Variants in GNB5 observed in about 807,000 individuals in gnomAD.
GNB5 encodes the protein guanine nucleotide-binding protein subunit beta-5.
Under a neutral mutation model 55.3 loss-of-function variants are expected in GNB5, and 37 were observed. That is an observed-to-expected ratio of 0.67 (90% CI 0.51 to 0.88). The LOEUF is 0.88. GNB5 is among the 40% of genes least tolerant of loss of function. GNB5 has a pLI of 0.00. For synonymous variants in GNB5, 219 were observed against 198.5 expected, an observed-to-expected ratio of 1.10 and a Z score of -0.87; for missense variants, 476 against 515.3, an observed-to-expected ratio of 0.92 and a Z score of 0.74.
chr15:52,143,144 G>C (rs1200536335), intron 6 of GNB5, among the ~76,000 whole-genome samples: 2 of 150,102 alleles, frequency 1.3e-5, no homozygotes, highest in African/African-American at 2.4e-5. Flanking sequence ...AACAGAGTGA[G>C]ATTCTTTGAC....
intron 3 of GNB5, among the ~76,000 whole-genome samples, chr15:52,173,273 C>T (rs1054793476): frequency 6.6e-6 from 1 of 152,168 alleles, no homozygotes; most frequent in Non-Finnish European, 1.5e-5. Context: ...TAAGGAGTCT[C>T]CATGCTGCCC....
Position 52,169,869 on chromosome 15 carries a change from C to A in GNB5, c.238+9899G>T, listed in dbSNP as rs1352468911. 4.0e-5 allele frequency among the ~76,000 whole-genome samples: 6 copies of A among 151,730 alleles called. No homozygotes were observed. The South Asian group carries it at 1.3e-3, about 32-fold the overall frequency. ...ATCTACAAGAACTTAAACAAATTTA[C>A]AAGAAAAAAAACCCCATTAAAAAGT... On this transcript the variant is annotated intron_variant, in intron 3 of 12. Coordinates refer to ENST00000261837, the MANE Select transcript of GNB5 (RefSeq NM_016194.4).
In GNB5 at chr15:52,126,339, G is replaced by T. The variant is rs12907835; in HGVS notation, c.913-295C>A. Among the ~76,000 whole-genome samples, 19,924 of 152,048 alleles carry T rather than the reference G, an allele frequency of 0.13. 1,612 individuals are homozygous for T. Among genetic ancestry groups the T allele is most frequent in the Admixed American group, 0.24 (3,721 of 15,262 alleles). On this transcript the variant is annotated intron_variant, in intron 10 of 12. Transcript: ENST00000261837. ...GACCCCACTTTTTTTTCTGATAAAG[G>T]ACACATGTTCACTGTAGAAAATTTG... is the stretch of plus-strand genomic sequence containing the variant.
At chr15:52,187,158 G>C (rs1159619529) in intron 1 of GNB5, among the ~76,000 whole-genome samples, 1 of 152,178 alleles carries the variant, frequency 6.6e-6, no homozygotes, top group Non-Finnish European at 1.5e-5. Flanking sequence ...TAACAAAAAA[G>C]GGCCTGCCCT....
chr15:52,144,344 A>G (rs576545141), intron 6 of GNB5: 2 of 152,398 alleles, frequency 1.3e-5, no homozygotes, highest in African/African-American at 4.8e-5. Flanking sequence ...TTAGAACTGC[A>G]TATCTAATAT....
intron 7 of GNB5, among the ~76,000 whole-genome samples, chr15:52,136,619 A>G (rs1167011999): frequency 6.6e-6 from 1 of 152,194 alleles, no homozygotes; most frequent in African/African-American, 2.4e-5. Flanking sequence ...TCCCGAGCAC[A>G]GTGCTGCCCA....
At chr15:52,156,850 C>T (rs1336483142) in intron 3 of GNB5, among the ~76,000 whole-genome samples, 8 of 152,174 alleles carry the variant, frequency 5.3e-5, no homozygotes, top group African/African-American at 1.7e-4. Context: ...TTATTTACTG[C>T]CACAAACAGC....
At chr15:52,133,776 C>A (rs1401572781) in intron 8 of GNB5, among the ~76,000 whole-genome samples, 1 of 152,234 alleles carries the variant, frequency 6.6e-6, no homozygotes, top group African/African-American at 2.4e-5. Flanking sequence ...CATCTCCCTT[C>A]CTTTCATTTT....
intron 3 of GNB5, among the ~76,000 whole-genome samples, chr15:52,176,677 G>A (rs1425337200): frequency 6.6e-6 from 1 of 152,184 alleles, no homozygotes; most frequent in African/African-American, 2.4e-5. Context: ...TCTGATAAGA[G>A]GGAAAGAGAC....
rs566905993 is a variant in GNB5 at position 52,126,053 on chromosome 15, CAAAT to C, written c.913-13_913-10del. 1.7e-4 allele frequency: 242 copies of C among 1,411,294 alleles called. 2 individuals are homozygous for C. The South Asian group carries it at 1.8e-3, about 10-fold the overall frequency. 87.4% of individuals were successfully genotyped at this position (1,411,294 alleles called of 1,614,324 possible). A position where few individuals can be genotyped will look rare whatever the true frequency, so the allele number is the denominator to read the frequency against. ...AGGTCATAGAGGCGACACTGGGGAG[CAAAT>C]AAATAAAGAAGCACTTACTTCTGGC... On this transcript the variant is annotated splice_polypyrimidine_tract_variant and intron_variant, in intron 10 of 12. Transcript: ENST00000261837.
intron 10 of GNB5, 95 bp downstream of exon 10, chr15:52,128,100 GT>G: frequency 1.3e-6 from 1 of 798,364 alleles, no homozygotes; most frequent in Non-Finnish European, 2.1e-6. Context: ...TTGAATACTC[GT>G]TACTTCTGTA....
chr15:52,145,576 C>T (rs1239097352), intron 6 of GNB5, among the ~76,000 whole-genome samples: 26 of 151,978 alleles, frequency 1.7e-4, no homozygotes. Flanking sequence ...ACCCAGGGAG[C>T]GGAGGTTGCA....
At chr15:52,183,458 A>T (rs1335002032) in intron 2 of GNB5, among the ~76,000 whole-genome samples, 2 of 152,196 alleles carry the variant, frequency 1.3e-5, no homozygotes, top group Admixed American at 1.3e-4. Context: ...GAAGCCCACT[A>T]CACCTAGGCT....
rs1566929204 is a variant in GNB5 at position 52,120,114 on chromosome 15, CTT to C, written c.*2641_*2642del. 1 of 152,422 alleles carries C rather than the reference CTT, an allele frequency of 6.6e-6. No individual in the cohort carries two copies. The highest frequency in any genetic ancestry group is 2.4e-5 in the African/African-American group (1 of 41,572). 9.4% of individuals were successfully genotyped at this position (152,422 alleles called of 1,614,324 possible). A position where few individuals can be genotyped will look rare whatever the true frequency, so the allele number is the denominator to read the frequency against. ...ACCCACACCTTTCTGCCTGAACTTT[CTT>C]TTTTCTGGCCCAGGAGGGGGCTGCC... On this transcript the variant is annotated 3_prime_UTR_variant, in exon 13 of 13. Coordinates refer to ENST00000261837, the MANE Select transcript of GNB5 (RefSeq NM_016194.4).
rs758602920 is a variant in GNB5, at chr15:52,115,717, A to G, written c.*7040T>C. The G allele has an allele frequency of 1.3e-5, 2 of 152,200 alleles. No individual in the cohort carries two copies. Among genetic ancestry groups the G allele is most frequent in the African/African-American group, 2.4e-5 (1 of 41,450 alleles). The allele number at this position is 152,200 out of a possible 1,614,324, so 9.4% of individuals were successfully genotyped here. A position where few individuals can be genotyped will look rare whatever the true frequency, so the allele number is the denominator to read the frequency against. The stretch of plus-strand genomic sequence containing the variant: ...TAACAGCTTTATTGAGATGTAATTC[A>G]TATACCAAAAAATTCACCCTCTTAC... On this transcript the variant is annotated 3_prime_UTR_variant, in exon 13 of 13. Coordinates refer to ENST00000261837, the MANE Select transcript of GNB5 (RefSeq NM_016194.4).
chr15:52,160,510 A>G (rs1484309648), intron 3 of GNB5, among the ~76,000 whole-genome samples: 1 of 152,262 alleles, frequency 6.6e-6, no homozygotes, highest in Non-Finnish European at 1.5e-5. Flanking sequence ...TGTTTAGAAT[A>G]GCAGAGAAGG....
chr15:52,153,910 CT>C, intron 4 of GNB5, 29 bp downstream of exon 4: 1 of 1,593,128 alleles, frequency 6.3e-7, no homozygotes, highest in Non-Finnish European at 8.6e-7. Flanking sequence ...CCAAAACCCG[CT>C]CACCTGTTAT....
intron 1 of GNB5, among the ~76,000 whole-genome samples, chr15:52,187,820 G>A (rs554374225): frequency 8.5e-5 from 13 of 152,098 alleles, no homozygotes; most frequent in Admixed American, 2.6e-4. Flanking sequence ...GTTGTGGTGC[G>A]CACCTGTAAT....
intron 11 of GNB5, chr15:52,124,915 G>A (rs1420773015): frequency 1.1e-5 from 3 of 276,138 alleles, no homozygotes; most frequent in Non-Finnish European, 2.0e-5. Context: ...AGAGAGGAAG[G>A]GGGATTAAGG....
Sources: gnomAD v4.1 joint callset for allele counts (sites outside exome capture counted in the v4.1 genomes callset) on GRCh38, gnomAD v4.1.1 for gene constraint, MANE v1.5 for transcripts, NCBI Gene and HGNC (gene_info 2026-07-23, HGNC 2026-07-21) for gene names.